The following KCNMA1 variants were observed in gnomAD, a reference collection of about 807,000 sequenced individuals.
KCNMA1 encodes Calcium-activated potassium channel subunit alpha-1.
In KCNMA1, 29 loss-of-function variants were observed where a neutral mutation model predicts 140.0. The ratio of observed to expected loss-of-function variants is 0.21; its 90% CI spans 0.15 to 0.28. The LOEUF is 0.28. Ranked by LOEUF, KCNMA1 falls within the 10% of genes least tolerant of loss-of-function variation. The pLI, the probability that KCNMA1 is intolerant of heterozygous loss-of-function variation, is 1.00. For synonymous variants in KCNMA1, 612 were observed against 611.9 expected, an observed-to-expected ratio of 1.00 and a Z score of 0.00; for missense variants, 880 against 1,602.2, an observed-to-expected ratio of 0.55 and a Z score of 7.70.
intron 3 of KCNMA1, chr10:77,250,313 T>C (rs563067577): frequency 6.6e-6 from 1 of 152,368 alleles, no homozygotes; most frequent in South Asian, 2.1e-4. Flanking sequence ...TCAAGGCCAT[T>C]GTCACCAGAG....
At chr10:77,120,608 G>A (rs1261191854) in intron 6 of KCNMA1, among the ~76,000 whole-genome samples, 1 of 152,182 alleles carries the variant, frequency 6.6e-6, no homozygotes, top group Admixed American at 6.5e-5. Context: ...GAATCTGGCA[G>A]CAAGGACTTC....
chr10:77,155,182 G>T (rs2098468931), intron 5 of KCNMA1, among the ~76,000 whole-genome samples: 1 of 152,138 alleles, frequency 6.6e-6, no homozygotes, highest in Admixed American at 6.5e-5. Context: ...CACAAAAGCA[G>T]ATTGAAAAAG....
In KCNMA1 at chr10:76,889,574, G is replaced by A; in HGVS notation, c.3343-5C>T. 1.3e-6 allele frequency: 2 copies of A among 1,592,986 alleles called. No individual in the cohort carries two copies. The highest frequency in any genetic ancestry group is 8.6e-7 in the Non-Finnish European group (1 of 1,160,816). On this transcript the variant is annotated splice_polypyrimidine_tract_variant and splice_region_variant and intron_variant, in intron 26 of 27. Coordinates refer to ENST00000286628, the MANE Select transcript of KCNMA1 (RefSeq NM_001161352.2). ...ATCACCATAACAACCACCATCCTGG[G>A]AGACAGCAAAAGAACAGAGAGAAAC... is the stretch of plus-strand genomic sequence containing the variant.
intron 5 of KCNMA1, among the ~76,000 whole-genome samples, chr10:77,159,563 C>T (rs1219876333): frequency 6.6e-6 from 1 of 152,172 alleles, no homozygotes; most frequent in African/African-American, 2.4e-5. Context: ...TCCTTACCTT[C>T]TTCTCCACTT....
chr10:77,612,202 G>C (rs535650521), intron 1 of KCNMA1, among the ~76,000 whole-genome samples: 1 of 152,158 alleles, frequency 6.6e-6, no homozygotes, highest in Non-Finnish European at 1.5e-5. Context: ...CACATTTCAC[G>C]GACATGGCCA....
At chr10:76,901,391 A>G (rs986879387) in intron 25 of KCNMA1, 2 of 152,190 alleles carry the variant, frequency 1.3e-5, no homozygotes, top group South Asian at 4.1e-4. Context: ...CTGTTCTAAT[A>G]AAAACACAGT....
intron 1 of KCNMA1, among the ~76,000 whole-genome samples, chr10:77,464,832 A>C (rs755148775): frequency 1.3e-5 from 2 of 152,196 alleles, no homozygotes; most frequent in Non-Finnish European, 2.9e-5. Flanking sequence ...TAAGAGGATA[A>C]ATCTGGGAGG....
intron 24 of KCNMA1, chr10:76,913,299 G>A (rs745331487): frequency 2.0e-5 from 3 of 152,154 alleles, no homozygotes; most frequent in Non-Finnish European, 4.4e-5. Context: ...CAAGTCACGG[G>A]GAAGTGGGGA....
intron 3 of KCNMA1, among the ~76,000 whole-genome samples, chr10:77,224,610 G>T (rs924829820): frequency 6.6e-6 from 1 of 152,150 alleles, no homozygotes; most frequent in Non-Finnish European, 1.5e-5. Flanking sequence ...CCTTCCGGCA[G>T]CTCTTCCTTA....
intron 1 of KCNMA1, among the ~76,000 whole-genome samples, chr10:77,528,974 C>T (rs1049057107): frequency 6.6e-6 from 1 of 152,112 alleles, no homozygotes; most frequent in Non-Finnish European, 1.5e-5. Flanking sequence ...TCCAGGGTTT[C>T]CATCTGCAGT....
intron 2 of KCNMA1, among the ~76,000 whole-genome samples, chr10:77,352,265 T>C (rs1271400012): frequency 6.6e-6 from 1 of 152,258 alleles, no homozygotes; most frequent in Non-Finnish European, 1.5e-5. Context: ...TCCTGGTTAG[T>C]GGTCCTTTGG....
Position 77,595,897 on chromosome 10 carries a change from G to A in KCNMA1, c.378+41368C>T, listed in dbSNP as rs534663709. ...GAACTCCTGACCTCGTGATCCATCC[G>A]CCTCGACCTCCCAAAGTGCTGGGAT... On this transcript the variant is annotated intron_variant, in intron 1 of 27. Transcript: ENST00000286628. Among the ~76,000 whole-genome samples, 8 of 152,206 alleles carry A rather than the reference G, an allele frequency of 5.3e-5. No individual in the cohort carries two copies. The East Asian group carries it at 5.8e-4, about 11-fold the overall frequency.
At chr10:76,954,167 T>C (rs531943584) in intron 20 of KCNMA1, among the ~76,000 whole-genome samples, 1 of 152,226 alleles carries the variant, frequency 6.6e-6, no homozygotes, top group African/African-American at 2.4e-5. Context: ...GCTCCTCTTT[T>C]CCTAAATGGT....
Position 77,403,867 on chromosome 10 carries a change from C to T in KCNMA1, c.535G>A (p.Val179Ile), listed in dbSNP as rs199879788. 2 of 1,613,184 alleles carry T rather than the reference C, an allele frequency of 1.2e-6. No individual in the cohort carries two copies. The highest frequency in any genetic ancestry group is 1.3e-5 in the African/African-American group (1 of 74,914). The change falls in exon 2 of 28, where the codon GTC becomes ATC. Residue 179 changes from valine to isoleucine, a missense_variant. By Grantham distance (29) the Val-to-Ile change is conservative (BLOSUM62 3). This residue lies in a region of KCNMA1 where 198 missense variants were observed against 580.1 expected (regional missense o/e 0.34). Coordinates refer to ENST00000286628, the MANE Select transcript of KCNMA1 (RefSeq NM_001161352.2). Reference sequence around the variant, plus strand: ...AGAAGTGGGTGGAGACTCACCAGGACTCTGCCAGTCAGTGTCTGGGCGGAT... The same window carrying T: ...AGAAGTGGGTGGAGACTCACCAGGATTCTGCCAGTCAGTGTCTGGGCGGAT... Reference protein sequence around the residue: ...MISAQTLTGRVLVVLVFALSI... With the variant: ...MISAQTLTGRILVVLVFALSI...
chr10:77,178,278 C>T (rs1282937342), intron 5 of KCNMA1, among the ~76,000 whole-genome samples: 1 of 152,116 alleles, frequency 6.6e-6, no homozygotes, highest in African/African-American at 2.4e-5. Flanking sequence ...ACAGGGTGGC[C>T]CGGCATGTGT....
rs191585024 is a variant in KCNMA1, at chr10:77,107,225, T to G, written c.1223+1256A>C. 2.0e-5 allele frequency among the ~76,000 whole-genome samples: 3 copies of G among 152,012 alleles called. No individual in the cohort carries two copies. In the East Asian group the frequency reaches 5.8e-4, roughly 30 times the overall value. On this transcript the variant is annotated intron_variant, in intron 9 of 27. Transcript: ENST00000286628. ...AAAAACAAAAGAAGCTCTTTAAGAG[T>G]TCATTTGAAACAGAACGAGAAGGGA...
intron 1 of KCNMA1, among the ~76,000 whole-genome samples, chr10:77,578,480 C>T (rs1018054729): frequency 6.6e-6 from 1 of 152,184 alleles, no homozygotes; most frequent in African/African-American, 2.4e-5. Flanking sequence ...CAAATGCCCT[C>T]TAGAGAAGGG....
chr10:77,142,296 G>A (rs932645567), intron 5 of KCNMA1, among the ~76,000 whole-genome samples: 6 of 151,612 alleles, frequency 4.0e-5, no homozygotes, highest in African/African-American at 1.5e-4. Flanking sequence ...GCATGAACCT[G>A]GGAGGTGGAG....
chr10:76,968,754 A>AAAC (rs1214721741), intron 20 of KCNMA1, among the ~76,000 whole-genome samples: 6 of 152,346 alleles, frequency 3.9e-5, no homozygotes, highest in African/African-American at 1.4e-4. Context: ...ACTTTTAAGG[A>AAAC]AACATTTAAC....
Sources: allele counts gnomAD v4.1 joint callset (sites outside exome capture counted in the v4.1 genomes callset), GRCh38; gene constraint gnomAD v4.1.1; regional missense constraint gnomAD v4.1.1; transcripts MANE v1.5; gene names NCBI Gene and HGNC (gene_info 2026-07-23, HGNC 2026-07-21).